The following NDUFAF6 variants were observed in gnomAD, a reference collection of about 807,000 sequenced individuals.
NDUFAF6 encodes NADH dehydrogenase (ubiquinone) complex I, assembly factor 6.
A neutral mutation model predicts 40.8 loss-of-function variants in NDUFAF6; 45 were observed. The ratio of observed to expected loss-of-function variants is 1.10; its 90% CI spans 0.87 to 1.42. The LOEUF (loss-of-function observed/expected upper bound fraction) is 1.42. Ranked by LOEUF, NDUFAF6 falls within the 40% of genes most tolerant of loss-of-function variation. The pLI, the probability that NDUFAF6 is intolerant of heterozygous loss-of-function variation, is 0.00. For synonymous variants in NDUFAF6, 185 were observed against 155.9 expected (o/e 1.19, Z -1.39); for missense variants, 435 against 418.5 (o/e 1.04, Z -0.34).
At chr8:94,929,138 CTG>C (rs796397180) in intron 1 of NDUFAF6, 3 of 152,750 alleles carry the variant, frequency 2.0e-5, no homozygotes, top group African/African-American at 7.2e-5. Context: ...AGCACCAACA[CTG>C]TGAAGAACAG....
At chr8:94,985,513 A>ATG (rs1825819428) in intron 2 of NDUFAF6, among the ~76,000 whole-genome samples, 2 of 4,770 alleles carry the variant, frequency 4.2e-4, no homozygotes, top group Non-Finnish European at 6.3e-4. Context: ...ATATATATAT[A>ATG]TATTTTTTTT....
intron 4 of NDUFAF6, among the ~76,000 whole-genome samples, chr8:95,114,222 C>A (rs1346949521): frequency 6.6e-6 from 1 of 152,138 alleles, no homozygotes; most frequent in Non-Finnish European, 1.5e-5. Flanking sequence ...CCCTCAGTGG[C>A]CTGAGGCTTG....
rs141197491 is a variant in NDUFAF6 at position 94,986,533 on chromosome 8, A to C, written c.-84+5560A>C. Among the ~76,000 whole-genome samples, 599 of 152,350 alleles carry C rather than the reference A, an allele frequency of 3.9e-3. 1 individual carries two copies. Among genetic ancestry groups the C allele is most frequent in the Non-Finnish European group, 6.9e-3 (472 of 68,030 alleles). On this transcript the variant is annotated intron_variant, in intron 2 of 9. Transcript: ENST00000396111. The stretch of plus-strand genomic sequence containing the variant: ...TAAACATAAAGAGATATGACTTAAA[A>C]ATTTTTCATCTGAACTGTCAATTTC...
At chr8:94,915,349 C>G (rs1819060713) in intron 1 of NDUFAF6, among the ~76,000 whole-genome samples, 2 of 152,190 alleles carry the variant, frequency 1.3e-5, no homozygotes, top group African/African-American at 4.8e-5. Flanking sequence ...CATTAATTTA[C>G]TTAGAATGAC....
chr8:95,032,047 C>T lies in NDUFAF6; in HGVS notation c.250C>T (p.Arg84Ter), dbSNP rs769426063. ...CTCCCTGCTGCTCCCTGCAGAATCC[C>T]GAAGCTCTGTTTTTGCACTGAGGGC... ...LCSLLLPAES[R>*]SSVFALRAFN... is the part of the protein sequence containing the mutation. Residue 84 changes from arginine to a stop codon, truncating the protein, a stop_gained, in exon 2 of 9, where the codon CGA becomes TGA. Transcript: ENST00000396124. LOFTEE classifies it high-confidence loss of function. 6.2e-6 allele frequency: 10 copies of T among 1,614,068 alleles called. No individual in the cohort carries two copies. Among genetic ancestry groups the T allele is most frequent in the African/African-American group, 2.7e-5 (2 of 74,996 alleles).
intron 1 of NDUFAF6, among the ~76,000 whole-genome samples, chr8:94,925,802 A>T (rs1019201519): frequency 2.6e-5 from 4 of 152,190 alleles, no homozygotes; most frequent in African/African-American, 9.7e-5. Context: ...GGCCTTCCAA[A>T]TTGCTGGGAT....
chr8:95,076,212 A>T (rs932732984), downstream of NDUFAF6: 2 of 152,876 alleles, frequency 1.3e-5, no homozygotes, highest in African/African-American at 4.8e-5. Flanking sequence ...AAGCTCTCCA[A>T]TGCTAGATTT....
intron 1 of NDUFAF6, among the ~76,000 whole-genome samples, chr8:94,912,037 T>A (rs369159094): frequency 6.6e-6 from 1 of 152,218 alleles, no homozygotes; most frequent in Non-Finnish European, 1.5e-5. Flanking sequence ...GCTCTTAGAG[T>A]ATGATATCAT....
chr8:94,897,427 G>T (rs1269464152), intron 1 of NDUFAF6, among the ~76,000 whole-genome samples: 1 of 152,114 alleles, frequency 6.6e-6, no homozygotes, highest in Non-Finnish European at 1.5e-5. Context: ...GTTAAAAAAA[G>T]AGAAAATAAA....
chr8:95,059,529 C>T (rs1471589870), downstream of NDUFAF6, among the ~76,000 whole-genome samples: 1 of 152,160 alleles, frequency 6.6e-6, no homozygotes, highest in Non-Finnish European at 1.5e-5. Context: ...TTTCGAGAGC[C>T]ATTCAGCTTA....
intron 4 of NDUFAF6, among the ~76,000 whole-genome samples, chr8:95,115,309 A>G (rs1280787083): frequency 6.6e-6 from 1 of 152,202 alleles, no homozygotes; most frequent in Admixed American, 6.5e-5. Context: ...CCAAGAAAAG[A>G]TGGATCTGTA....
intron 2 of NDUFAF6, among the ~76,000 whole-genome samples, chr8:94,948,381 A>T (rs1037179798): frequency 5.9e-5 from 9 of 152,218 alleles, no homozygotes; most frequent in African/African-American, 2.2e-4. Context: ...CCCCCAGCAT[A>T]GTATATGGCA....
intron 2 of NDUFAF6, among the ~76,000 whole-genome samples, chr8:94,996,162 G>A (rs1268839577): frequency 2.0e-5 from 3 of 152,142 alleles, no homozygotes; most frequent in Non-Finnish European, 4.4e-5. Flanking sequence ...CCCTGGGTCA[G>A]GCACTGTGGA....
At chr8:94,980,801 T>A (rs1825383325) in intron 1 of NDUFAF6, 1 of 383,192 alleles carries the variant, frequency 2.6e-6, no homozygotes, top group East Asian at 7.3e-5. Flanking sequence ...TAGTGCATAG[T>A]TGTTTACCTC....
chr8:95,115,918 C>T (rs1810122855), intron 5 of NDUFAF6, among the ~76,000 whole-genome samples: 1 of 152,050 alleles, frequency 6.6e-6, no homozygotes, highest in Non-Finnish European at 1.5e-5. Context: ...CGGGTGGATC[C>T]CCTGAGGTCA....
Position 95,047,084 on chromosome 8 carries a change from GGAGCAGAA to G in NDUFAF6, c.674_681del (p.Ser225LysfsTer26). 6.2e-7 allele frequency: 1 copy of G among 1,614,152 alleles called. No homozygotes were observed. Among genetic ancestry groups the G allele is most frequent in the Non-Finnish European group, 8.5e-7 (1 of 1,180,018 alleles). On this transcript the variant is annotated frameshift_variant, in exon 6 of 9. Coordinates refer to ENST00000396124, the MANE Select transcript of NDUFAF6 (RefSeq NM_152416.4). LOFTEE classifies it high-confidence loss of function. The stretch of plus-strand genomic sequence containing the variant: ...TGCTTGAGAGCAACACCATATCATG[GGAGCAGAA>G]GAAAGGTGTTCCTTCCCATGGATAT...
intron 1 of NDUFAF6, chr8:94,930,457 C>T: frequency 1.2e-6 from 2 of 1,612,534 alleles, no homozygotes; most frequent in Non-Finnish European, 1.7e-6. Flanking sequence ...CAAGAGAAAC[C>T]AACCAACAAA....
intron 2 of NDUFAF6, among the ~76,000 whole-genome samples, chr8:94,993,582 G>A (rs558951497): frequency 6.6e-6 from 1 of 152,302 alleles, no homozygotes; most frequent in South Asian, 2.1e-4. Context: ...TAACCTCCTG[G>A]AGGATAAGTG....
At chr8:95,076,631 T>C (rs575311527), downstream of NDUFAF6, among the ~76,000 whole-genome samples, 49 of 152,268 alleles carry the variant, frequency 3.2e-4, no homozygotes, top group Non-Finnish European at 2.1e-4. Flanking sequence ...CCCAGCACTT[T>C]GGGAGGCTGA....
Sources: gnomAD v4.1 joint callset for allele counts (sites outside exome capture counted in the v4.1 genomes callset) on GRCh38, gnomAD v4.1.1 for gene constraint, MANE v1.5 for transcripts, NCBI Gene and HGNC (gene_info 2026-07-23, HGNC 2026-07-21) for gene names.